ST14: variants seen among roughly 807,000 people sequenced by gnomAD.
The protein encoded by ST14 is suppressor of tumorigenicity 14 protein.
In ST14, 40 loss-of-function variants were observed where a neutral mutation model predicts 96.5. That is an observed-to-expected ratio of 0.41 (90% CI 0.32 to 0.54). The LOEUF (loss-of-function observed/expected upper bound fraction) is 0.54, where lower values mean the gene tolerates loss of function less well. Among genes scored for constraint, ST14 ranks in the 20% least tolerant of loss-of-function variants. The pLI is 0.17. For synonymous variants in ST14, 506 were observed against 492.1 expected, an observed-to-expected ratio of 1.03 and a Z score of -0.37; for missense variants, 1,066 against 1,188.9, an observed-to-expected ratio of 0.90 and a Z score of 1.52.
intron 1 of ST14, among the ~76,000 whole-genome samples, chr11:130,163,815 C>T (rs914858891): frequency 2.6e-5 from 4 of 152,182 alleles, no homozygotes; most frequent in Admixed American, 6.5e-5. Context: ...GAAGATGCCC[C>T]TAGTTTGATG....
chr11:130,188,843 C>T lies in ST14; in HGVS notation c.370-26C>T. 1 of 1,610,814 alleles carries T rather than the reference C, an allele frequency of 6.2e-7. No homozygotes were observed. Among genetic ancestry groups the T allele is most frequent in the Non-Finnish European group, 8.5e-7 (1 of 1,178,660 alleles). On this transcript the variant is annotated intron_variant, in intron 3 of 18. Coordinates refer to ENST00000278742, the MANE Select transcript of ST14 (RefSeq NM_021978.4). The surrounding 1 kb of genome is among the most constrained non-coding windows in gnomAD (Gnocchi z 5.4). ...GGCAGGGTCATCGCCGCATGGGGCTCACCTTGAGTCTCTGCCCTTCCTCAG... is the reference window on the plus strand; with the variant it reads ...GGCAGGGTCATCGCCGCATGGGGCTTACCTTGAGTCTCTGCCCTTCCTCAG...
chr11:130,174,475 C>T (rs1234745616), intron 1 of ST14, among the ~76,000 whole-genome samples: 1 of 150,796 alleles, frequency 6.6e-6, no homozygotes, highest in African/African-American at 2.4e-5. Context: ...CTCTCCTGGG[C>T]CCTCTGCTGC....
At chr11:130,190,083 A>T in intron 5 of ST14, 30 bp from the exon 6 acceptor site, 1 of 1,614,122 alleles carries the variant, frequency 6.2e-7, no homozygotes, top group Non-Finnish European at 8.5e-7. Flanking sequence ...TTGTATCAGG[A>T]AATGCTTTAT....
chr11:130,182,339 G>A (rs1953199909), intron 1 of ST14, among the ~76,000 whole-genome samples: 1 of 146,522 alleles, frequency 6.8e-6, no homozygotes, highest in South Asian at 2.2e-4. Context: ...TTTTTGAGAT[G>A]AGGTTTTGCT....
chr11:130,199,559 C>A (rs556028110), intron 15 of ST14, among the ~76,000 whole-genome samples: 4 of 152,328 alleles, frequency 2.6e-5, no homozygotes, highest in African/African-American at 9.6e-5. Context: ...GAGCTGTGGC[C>A]TTCAGCATTC....
intron 1 of ST14, among the ~76,000 whole-genome samples, chr11:130,167,295 A>T (rs1388527272): frequency 6.6e-6 from 1 of 152,222 alleles, no homozygotes; most frequent in African/African-American, 2.4e-5. Flanking sequence ...CATGTTTTCT[A>T]AAAAAATTTT....
At chr11:130,189,566 G>T in intron 4 of ST14, 173 bp from the exon 5 acceptor site, 2 of 786,924 alleles carry the variant, frequency 2.5e-6, no homozygotes, top group Non-Finnish European at 4.0e-6. Context: ...AAAGGGCAAG[G>T]CCTCTTGCTT....
intron 1 of ST14, among the ~76,000 whole-genome samples, chr11:130,171,492 G>A (rs1423096055): frequency 6.6e-6 from 1 of 152,114 alleles, no homozygotes; most frequent in Non-Finnish European, 1.5e-5. Context: ...TCCTTCCTTT[G>A]GATAAATACT....
intron 9 of ST14, 68 bp downstream of exon 9, chr11:130,194,805 T>C (rs1043697288): frequency 1.4e-6 from 2 of 1,428,314 alleles, no homozygotes; most frequent in African/African-American, 2.8e-5. Flanking sequence ...TGTGTCTCCC[T>C]GTGCAGATGT....
chr11:130,160,410 G>T (rs1371927107), intron 1 of ST14, among the ~76,000 whole-genome samples: 2 of 152,204 alleles, frequency 1.3e-5, no homozygotes, highest in African/African-American at 4.8e-5. Context: ...TTGGAGTGGG[G>T]TTATTTGGGA....
At chr11:130,191,704 A>AAAAAT in intron 7 of ST14, among the ~76,000 whole-genome samples, 1 of 152,062 alleles carries the variant, frequency 6.6e-6, no homozygotes, top group African/African-American at 2.4e-5. Context: ...AAAAAAAAAA[A>AAAAAT]AAAAAAGAGC....
In ST14 at chr11:130,181,625, G is replaced by A. The variant is rs1218979072; in HGVS notation, c.82-6489G>A. ...TGTCTAAGTGTCTAAGTGGATGGGA[G>A]TTCCCTGAGACCTCCCCCTCCCACC... On this transcript the variant is annotated intron_variant, in intron 1 of 18. Coordinates refer to ENST00000278742, the MANE Select transcript of ST14 (RefSeq NM_021978.4). This position sits in a 1 kb window ranked among gnomAD's most constrained non-coding sequence, Gnocchi z 4.1. Among the ~76,000 whole-genome samples, 1 of 152,190 alleles carries A rather than the reference G, an allele frequency of 6.6e-6. No homozygotes were observed. Among genetic ancestry groups the A allele is most frequent in the East Asian group, 1.9e-4 (1 of 5,200 alleles).
chr11:130,170,119 T>C (rs1953077259), intron 1 of ST14, among the ~76,000 whole-genome samples: 1 of 151,986 alleles, frequency 6.6e-6, no homozygotes, highest in Non-Finnish European at 1.5e-5. Flanking sequence ...GGCGACACAC[T>C]GAACTGAGGA....
chr11:130,172,069 C>T (rs1218329215), intron 1 of ST14, among the ~76,000 whole-genome samples: 1 of 152,058 alleles, frequency 6.6e-6, no homozygotes, highest in Admixed American at 6.6e-5. Flanking sequence ...CCATTTCAAG[C>T]TGCTGAAGTC....
At chr11:130,193,717 G>A (rs1330376157) in intron 7 of ST14, among the ~76,000 whole-genome samples, 2 of 152,220 alleles carry the variant, frequency 1.3e-5, no homozygotes, top group Non-Finnish European at 2.9e-5. Context: ...TGATTCACCC[G>A]CCTTGGCCTC....
chr11:130,182,567 G>T (rs149167437), intron 1 of ST14, among the ~76,000 whole-genome samples: 4 of 152,030 alleles, frequency 2.6e-5, no homozygotes, highest in Non-Finnish European at 5.9e-5. Context: ...TGCTGGTCTC[G>T]AACTCCTGGG....
At chr11:130,172,140 G>A (rs1299758539) in intron 1 of ST14, among the ~76,000 whole-genome samples, 1 of 151,682 alleles carries the variant, frequency 6.6e-6, no homozygotes, top group Admixed American at 6.6e-5. Flanking sequence ...TTTGAGACAG[G>A]GTCTCGCTCT....
At position 130,179,462 on chromosome 11, in the gene ST14, C is replaced by T. The variant is rs533040935; in HGVS notation, c.82-8652C>T. On this transcript the variant is annotated intron_variant, in intron 1 of 18. Transcript: ENST00000278742. ...TTCTTTTCCTTTCTCATTTGCCCATCGGTCATCCCCAGATAAGCACTCAAG... is the reference window on the plus strand; with the variant it reads ...TTCTTTTCCTTTCTCATTTGCCCATTGGTCATCCCCAGATAAGCACTCAAG... 2.1e-4 allele frequency among the ~76,000 whole-genome samples: 32 copies of T among 152,266 alleles called. 1 individual carries two copies. Among genetic ancestry groups the T allele is most frequent in the South Asian group, 1.5e-3 (7 of 4,822 alleles).
At position 130,194,717 on chromosome 11, in the gene ST14, G is replaced by T; in HGVS notation, c.1093G>T (p.Asp365Tyr). The T allele has an allele frequency of 6.2e-7, 1 of 1,614,092 alleles. No individual in the cohort carries two copies. The highest frequency in any genetic ancestry group is 1.1e-5 in the South Asian group (1 of 91,046). Residue 365 changes from aspartate to tyrosine, a missense_variant, in exon 9 of 19, where the codon GAC becomes TAC. By Grantham distance (160) the Asp-to-Tyr change is radical. Transcript: ENST00000278742. ...YYPGHYPPNIDCTWNIEVPNN... is the reference protein window; with the variant it reads ...YYPGHYPPNIYCTWNIEVPNN... ...CCCAGGCCACTACCCACCCAACATT[G>T]ACTGCACATGGAACATTGAGGTAGG...
Sources: gnomAD v4.1 joint callset for allele counts (sites outside exome capture counted in the v4.1 genomes callset) on GRCh38, gnomAD v4.1.1 for gene constraint, Gnocchi (gnomAD v3.1) non-coding constraint, MANE v1.5 for transcripts, NCBI Gene and HGNC (gene_info 2026-07-23, HGNC 2026-07-21) for gene names.